Variants in ST18 observed in about 807,000 individuals in gnomAD.
The protein encoded by ST18 is ST18 C2H2C-type zinc finger transcription factor, also known as suppression of tumorigenicity 18 protein.
A neutral mutation model predicts 110.0 loss-of-function variants in ST18; 50 were observed. The observed-to-expected ratio is 0.45, with a 90% CI of 0.36 to 0.58. ST18 has a LOEUF of 0.58. Among genes scored for constraint, ST18 ranks in the 20% least tolerant of loss-of-function variants. The pLI, the probability that ST18 is intolerant of heterozygous loss-of-function variation, is 0.00. For missense variants in ST18, 1,306 were observed against 1,280.1 expected, an observed-to-expected ratio of 1.02 and a Z score of -0.31; for synonymous variants, 461 against 452.4, an observed-to-expected ratio of 1.02 and a Z score of -0.24.
intron 2 of ST18, among the ~76,000 whole-genome samples, chr8:52,262,971 A>C (rs762595251): frequency 5.3e-5 from 8 of 152,226 alleles, no homozygotes; most frequent in Non-Finnish European, 1.2e-4. Context: ...TCAGCCTGTT[A>C]CAAAGGTTGC....
intron 8 of ST18, among the ~76,000 whole-genome samples, chr8:52,182,190 G>T (rs923760369): frequency 7.9e-5 from 12 of 152,154 alleles, no homozygotes; most frequent in Non-Finnish European, 1.2e-4. Context: ...GCATAACATT[G>T]GTATTGGGAA....
intron 24 of ST18, among the ~76,000 whole-genome samples, chr8:52,117,525 T>C (rs1278785929): frequency 6.6e-6 from 1 of 152,220 alleles, no homozygotes; most frequent in African/African-American, 2.4e-5. Flanking sequence ...ATTCCCATGA[T>C]TTCTAGACAA....
chr8:52,192,642 G>T (rs954493676), intron 8 of ST18, among the ~76,000 whole-genome samples: 1 of 152,178 alleles, frequency 6.6e-6, no homozygotes, highest in Non-Finnish European at 1.5e-5. Context: ...TACAGAATGT[G>T]ATGTCTTCGG....
intron 8 of ST18, among the ~76,000 whole-genome samples, chr8:52,181,110 A>G (rs1045808246): frequency 6.6e-6 from 1 of 152,208 alleles, no homozygotes; most frequent in African/African-American, 2.4e-5. Flanking sequence ...TGAAGTTAAG[A>G]CAAACATTCT....
At chr8:52,217,454 G>A (rs1191173230) in intron 6 of ST18, among the ~76,000 whole-genome samples, 2 of 152,128 alleles carry the variant, frequency 1.3e-5, no homozygotes, top group African/African-American at 4.8e-5. Flanking sequence ...GGAGAAAAAT[G>A]TGGTTCTTGC....
At position 52,268,499 on chromosome 8, in the gene ST18, CTATCTATCTATT is replaced by C. The variant is rs1309690498; in HGVS notation, c.-464-38434_-464-38423del. On this transcript the variant is annotated intron_variant, in intron 2 of 25. Coordinates refer to ENST00000689386, the MANE Select transcript of ST18 (RefSeq NM_001352837.2). ...TCTATCTATCTATCTATCTATCTAT[CTATCTATCTATT>C]TATCTATCTATCTTACTATCTATCA... Among the ~76,000 whole-genome samples, 846 of 148,470 alleles carry C rather than the reference CTATCTATCTATT, an allele frequency of 5.7e-3. 6 individuals are homozygous for C. Among genetic ancestry groups the C allele is most frequent in the African/African-American group, 0.02 (799 of 40,038 alleles).
At chr8:52,208,284 T>C (rs1231989209) in intron 8 of ST18, among the ~76,000 whole-genome samples, 2 of 152,222 alleles carry the variant, frequency 1.3e-5, no homozygotes, top group African/African-American at 2.4e-5. Flanking sequence ...CAGTGTTCTC[T>C]ACAAAATAGC....
chr8:52,133,068 GTCT>G lies in ST18; in HGVS notation c.2430_2432del (p.Glu810del). 1 of 1,614,114 alleles carries G rather than the reference GTCT, an allele frequency of 6.2e-7. No homozygotes were observed. Among genetic ancestry groups the G allele is most frequent in the Non-Finnish European group, 8.5e-7 (1 of 1,180,028 alleles). On this transcript the variant is annotated inframe_deletion, in exon 21 of 26. Coordinates refer to ENST00000689386, the MANE Select transcript of ST18 (RefSeq NM_001352837.2). ...ACTGTTGCACTTACTTCAGTTCAGG[GTCT>G]TCTTTTTCTTCCTTGGTAGGGGTCA...
chr8:52,151,625 T>C (rs981380089), intron 15 of ST18, among the ~76,000 whole-genome samples: 1 of 152,232 alleles, frequency 6.6e-6, no homozygotes, highest in Admixed American at 6.5e-5. Context: ...TCTCTCTCCA[T>C]GATCTCACAA....
intron 2 of ST18, among the ~76,000 whole-genome samples, chr8:52,256,000 G>A (rs193144781): frequency 1.3e-5 from 2 of 152,304 alleles, no homozygotes; most frequent in African/African-American, 4.8e-5. Context: ...TTTCCCTGGA[G>A]TTCATTCCTT....
intron 2 of ST18, among the ~76,000 whole-genome samples, chr8:52,298,169 A>G (rs1430060822): frequency 1.3e-5 from 2 of 152,188 alleles, no homozygotes; most frequent in Non-Finnish European, 2.9e-5. Flanking sequence ...TACCCTGGAA[A>G]TGGTACATTT....
chr8:52,217,779 C>T lies in ST18; in HGVS notation c.-34G>A, dbSNP rs2084933306. 1 of 152,162 alleles carries T rather than the reference C, an allele frequency of 6.6e-6. No individual in the cohort carries two copies. Among genetic ancestry groups the T allele is most frequent in the South Asian group, 2.1e-4 (1 of 4,830 alleles). 9.4% of individuals were successfully genotyped at this position (152,162 alleles called of 1,614,324 possible). ...AGATGTATAAAGTGATTTCCTAGTA[C>T]TTGTACTTGACGTCTTTTCTTACTG... On this transcript the variant is annotated 5_prime_UTR_variant, in exon 6 of 26. Coordinates refer to ENST00000689386, the MANE Select transcript of ST18 (RefSeq NM_001352837.2).
chr8:52,125,942 A>G (rs1405670845), intron 23 of ST18, 110 bp downstream of exon 23: 8 of 834,518 alleles, frequency 9.6e-6, no homozygotes, highest in Non-Finnish European at 1.5e-5. Context: ...TTCTTCTTGT[A>G]CATTAAAATT....
intron 25 of ST18, 121 bp from the exon 26 acceptor site, chr8:52,113,459 A>T (rs1051350155): frequency 9.9e-6 from 11 of 1,113,370 alleles, no homozygotes; most frequent in Admixed American, 2.0e-5. Context: ...GGTGCATATG[A>T]CTGCTGGGGT....
intron 2 of ST18, among the ~76,000 whole-genome samples, chr8:52,336,018 A>G (rs1375299997): frequency 6.6e-6 from 1 of 151,906 alleles, no homozygotes; most frequent in Admixed American, 6.6e-5. Context: ...CATCTTGTCT[A>G]TTCTTCCCAG....
intron 15 of ST18, among the ~76,000 whole-genome samples, chr8:52,157,845 A>G (rs548775617): frequency 6.6e-6 from 1 of 152,386 alleles, no homozygotes; most frequent in East Asian, 1.9e-4. Flanking sequence ...GCAGCTGACC[A>G]TGCCGGGGAC....
chr8:52,319,899 A>G lies in ST18; in HGVS notation c.-465+89429T>C, dbSNP rs1244551510. Among the ~76,000 whole-genome samples the G allele has an allele frequency of 3.9e-5, 6 of 152,150 alleles. No homozygotes were observed. The South Asian group carries it at 1.2e-3, about 32-fold the overall frequency. On this transcript the variant is annotated intron_variant, in intron 2 of 25. Coordinates refer to ENST00000689386, the MANE Select transcript of ST18 (RefSeq NM_001352837.2). ...TCTTCCATGGCAACTGGCCTCCCCA[A>G]ACAGTGAGTATTCCAAGACGAACGG...
intron 17 of ST18, 102 bp downstream of exon 17, chr8:52,142,828 A>T: frequency 1.2e-6 from 1 of 822,460 alleles, no homozygotes; most frequent in Non-Finnish European, 2.0e-6. Flanking sequence ...GGTAGAAATC[A>T]CCCTAACATC....
At chr8:52,212,156 T>C (rs1446028542) in intron 7 of ST18, 47 bp from the exon 8 acceptor site, 6 of 1,566,932 alleles carry the variant, frequency 3.8e-6, no homozygotes, top group Non-Finnish European at 5.2e-6. Context: ...AGTTGATAAT[T>C]TTCAAAACTG....
Sources: allele counts gnomAD v4.1 joint callset (sites outside exome capture counted in the v4.1 genomes callset), GRCh38; gene constraint gnomAD v4.1.1; transcripts MANE v1.5; gene names NCBI Gene and HGNC (gene_info 2026-07-23, HGNC 2026-07-21).